Variants in ANK2 observed in about 807,000 individuals in gnomAD.
ANK2 encodes ankyrin 2, also known as ankyrin-2.
ANK2 carries 83 observed loss-of-function variants against 360.5 expected under a neutral mutation model. The ratio of observed to expected loss-of-function variants is 0.23; its 90% CI spans 0.19 to 0.28. The LOEUF (loss-of-function observed/expected upper bound fraction) is 0.28, where lower values mean the gene tolerates loss of function less well. Among genes scored for constraint, ANK2 ranks in the 10% least tolerant of loss-of-function variants. ANK2 has a pLI of 1.00. For synonymous variants in ANK2, 1,740 were observed against 1,759.5 expected (o/e 0.99, Z 0.28); for missense variants, 4,201 against 4,795.7 (o/e 0.88, Z 3.66).
At chr4:113,337,204 G>T (rs1344263831) in intron 31 of ANK2, among the ~76,000 whole-genome samples, 1 of 152,290 alleles carries the variant, frequency 6.6e-6, no homozygotes, top group South Asian at 2.1e-4. Context: ...AAAAAATACT[G>T]TCTTGAGTAA....
At chr4:113,049,061 A>G (rs1021662992), upstream of ANK2, among the ~76,000 whole-genome samples, 1 of 152,126 alleles carries the variant, frequency 6.6e-6, no homozygotes, top group Admixed American at 6.6e-5. Context: ...AGAAGCTTAC[A>G]TTGGAAAGAG....
At chr4:113,106,821 CTTTTA>C (rs1562110948) in intron 1 of ANK2, 1 of 510,796 alleles carries the variant, frequency 2.0e-6, no homozygotes, top group Admixed American at 2.1e-5. Flanking sequence ...ACTCTGTACT[CTTTTA>C]TTTTATTCCT....
At chr4:113,322,732 C>T (rs1242464100) in intron 26 of ANK2, among the ~76,000 whole-genome samples, 2 of 152,060 alleles carry the variant, frequency 1.3e-5, no homozygotes, top group African/African-American at 4.8e-5. Flanking sequence ...TTGTTGTTTA[C>T]CTAAAATTTC....
At chr4:113,152,416 T>G (rs2097130249) in intron 1 of ANK2, 1 of 152,166 alleles carries the variant, frequency 6.6e-6, no homozygotes, top group African/African-American at 2.4e-5. Flanking sequence ...TTATGCCCCT[T>G]TAATCAAAAC....
chr4:113,055,789 A>C (rs2069419487), intron 1 of ANK2, among the ~76,000 whole-genome samples: 1 of 152,170 alleles, frequency 6.6e-6, no homozygotes. Context: ...TGTTCAACTA[A>C]TAACATATTT....
chr4:113,321,051 T>A (rs1303136912), intron 26 of ANK2, among the ~76,000 whole-genome samples: 1 of 152,214 alleles, frequency 6.6e-6, no homozygotes, highest in African/African-American at 2.4e-5. Flanking sequence ...AACATCGTGG[T>A]TAATAGTGTG....
chr4:113,001,411 T>C (rs1392058577), intron 2 of ANK2, among the ~76,000 whole-genome samples: 1 of 150,810 alleles, frequency 6.6e-6, no homozygotes, highest in Non-Finnish European at 1.5e-5. Flanking sequence ...AGTAAATAAC[T>C]AAGCAAAACC....
chr4:112,824,014 G>A (rs1358535631), intron 1 of ANK2, among the ~76,000 whole-genome samples: 2 of 151,954 alleles, frequency 1.3e-5, no homozygotes, highest in South Asian at 2.1e-4. Flanking sequence ...GATTAATGCC[G>A]ATTTTTTTTT....
At chr4:113,079,833 A>G (rs2081590974) in intron 1 of ANK2, among the ~76,000 whole-genome samples, 1 of 152,194 alleles carries the variant, frequency 6.6e-6, no homozygotes, top group Admixed American at 6.5e-5. Context: ...ACCTAATTAA[A>G]GATGAAAACA....
chr4:113,114,532 A>G (rs1373709665), intron 1 of ANK2, among the ~76,000 whole-genome samples: 3 of 150,158 alleles, frequency 2.0e-5, no homozygotes, highest in Non-Finnish European at 4.4e-5. Context: ...AAAGAGTCTT[A>G]GAGACTAAGA....
chr4:113,209,415 A>G (rs2098994680), intron 4 of ANK2, among the ~76,000 whole-genome samples: 1 of 151,966 alleles, frequency 6.6e-6, no homozygotes. Flanking sequence ...TCTCCCCCAC[A>G]GGACAGCTTT....
At chr4:112,718,514 A>G in the ANK2 span, among the ~76,000 whole-genome samples, 1 of 152,208 alleles carries the variant, frequency 6.6e-6, no homozygotes, top group South Asian at 2.1e-4. Context: ...TGGTTTCACC[A>G]TGTTGGCCAG....
At chr4:112,787,931 T>C in the ANK2 span, among the ~76,000 whole-genome samples, 1 of 152,230 alleles carries the variant, frequency 6.6e-6, no homozygotes, top group African/African-American at 2.4e-5. Context: ...CGCAGTCTCC[T>C]GACATCCTCC....
the ANK2 span, among the ~76,000 whole-genome samples, chr4:112,808,474 A>G: frequency 6.6e-6 from 1 of 152,230 alleles, no homozygotes; most frequent in Admixed American, 6.5e-5. Context: ...GCAAATTATG[A>G]TACAATACAA....
chr4:112,912,361 T>C (rs190233795), intron 2 of ANK2, among the ~76,000 whole-genome samples: 1 of 152,268 alleles, frequency 6.6e-6, no homozygotes, highest in African/African-American at 2.4e-5. Flanking sequence ...CAAACCCTGA[T>C]ACCCTGATAA....
chr4:113,159,946 T>A (rs2097457249), intron 1 of ANK2, among the ~76,000 whole-genome samples: 1 of 151,998 alleles, frequency 6.6e-6, no homozygotes, highest in East Asian at 1.9e-4. Context: ...AAAAAAAGAG[T>A]ACTAGTGTTC....
At chr4:112,950,503 G>A (rs1469445200) in intron 2 of ANK2, among the ~76,000 whole-genome samples, 1 of 151,508 alleles carries the variant, frequency 6.6e-6, no homozygotes, top group Non-Finnish European at 1.5e-5. Flanking sequence ...AATTAGCCTG[G>A]CATGGTGGCA....
Position 113,336,616 on chromosome 4 carries a change from G to T in ANK2, c.3631G>T (p.Gly1211Cys), listed in dbSNP as rs750127231. 1 of 1,614,074 alleles carries T rather than the reference G, an allele frequency of 6.2e-7. No homozygotes were observed. The part of the protein sequence containing the change: ...MHSELVKKIL[G>C]NKATFSPIVT... ...CAGTGAGCTGGTTAAGAAGATCCTAGGCAACAAAGCTACCTTCAGCCCTAT... is the reference window on the plus strand; with the variant it reads ...CAGTGAGCTGGTTAAGAAGATCCTATGCAACAAAGCTACCTTCAGCCCTAT... The change falls in exon 31 of 46, where the codon GGC becomes TGC. Residue 1211 changes from glycine (G) to cysteine (C), a missense_variant. Physicochemically the swap from Gly to Cys is radical, Grantham distance 159. Transcript: ENST00000357077.
chr4:113,221,256 G>T (rs1293291912), intron 4 of ANK2, among the ~76,000 whole-genome samples: 1 of 151,806 alleles, frequency 6.6e-6, no homozygotes, highest in African/African-American at 2.4e-5. Flanking sequence ...AGACAAGTTG[G>T]TCTGGAGCAA....
Sources: gnomAD v4.1 joint callset for allele counts (sites outside exome capture counted in the v4.1 genomes callset) on GRCh38, gnomAD v4.1.1 for gene constraint, MANE v1.5 for transcripts, NCBI Gene and HGNC (gene_info 2026-07-23, HGNC 2026-07-21) for gene names.